BLK: variants seen among roughly 807,000 people sequenced by gnomAD.
The protein encoded by BLK is BLK proto-oncogene, Src family tyrosine kinase.
A neutral mutation model predicts 61.8 loss-of-function variants in BLK; 64 were observed. That is an observed-to-expected ratio of 1.03 (90% CI 0.85 to 1.27). BLK has a LOEUF of 1.27. Ranked by LOEUF, BLK falls within the 50% of genes most tolerant of loss-of-function variation. The pLI is 0.00. For missense variants in BLK, 853 were observed against 660.5 expected (o/e 1.29, Z -3.19); for synonymous variants, 351 against 272.0 (o/e 1.29, Z -2.86).
At chr8:11,563,800 C>A in intron 12 of BLK, 103 bp from the exon 13 acceptor site, 1 of 1,146,426 alleles carries the variant, frequency 8.7e-7, no homozygotes, top group Non-Finnish European at 1.2e-6. Context: ...GTGGGCACTG[C>A]TGTCCCTTGC....
At chr8:11,544,410 A>C (rs985037430) in intron 2 of BLK, among the ~76,000 whole-genome samples, 1 of 152,124 alleles carries the variant, frequency 6.6e-6, no homozygotes, top group Non-Finnish European at 1.5e-5. Context: ...TTATCCTAAC[A>C]GGGACCTGAT....
rs1407540792 is a variant in BLK, at chr8:11,543,335, A to G, written c.111A>G (p.Pro37=). The stretch of plus-strand genomic sequence containing the variant: ...GCGCCCAAGACAAGGACGCCCCGCC[A>G]CTGCCGCCCCTGGTGAGTGATTGCC... ...KVSAQDKDAP[P]LPPLVVFNHL... is the part of the protein sequence containing the mutation. The change falls in exon 2 of 13, where the codon CCA becomes CCG. Residue 37 remains proline, a synonymous_variant. Coordinates refer to ENST00000259089, the MANE Select transcript of BLK (RefSeq NM_001715.3). 6.2e-7 allele frequency: 1 copy of G among 1,613,268 alleles called. No homozygotes were observed. Among genetic ancestry groups the G allele is most frequent in the South Asian group, 1.1e-5 (1 of 91,074 alleles).
intron 4 of BLK, 89 bp from the exon 5 acceptor site, chr8:11,548,935 G>T: frequency 8.5e-7 from 1 of 1,171,118 alleles, no homozygotes; most frequent in Non-Finnish European, 1.3e-6. Context: ...GCCCTCCAGG[G>T]AGAGATGACT....
chr8:11,553,579 G>GTCA lies in BLK; in HGVS notation c.473-1164_473-1163insTCA, dbSNP rs776051438. Reference sequence around the variant, plus strand: ...GCCCGAGGCACCCGACACAAGTGCAGCCTACAAAATGGAGAGAAAAGCCCT... The same window carrying GTCA: ...GCCCGAGGCACCCGACACAAGTGCAGTCACCTACAAAATGGAGAGAAAAGCCCT... On this transcript the variant is annotated intron_variant, in intron 6 of 12. Coordinates refer to ENST00000259089, the MANE Select transcript of BLK (RefSeq NM_001715.3). 856 of 215,076 alleles carry GTCA rather than the reference G, an allele frequency of 4.0e-3. 7 individuals carry two copies. The highest frequency in any genetic ancestry group is 9.2e-3 in the Middle Eastern group (5 of 546). 13.3% of individuals were successfully genotyped at this position (215,076 alleles called of 1,614,324 possible). A position where few individuals can be genotyped will look rare whatever the true frequency, so the allele number is the denominator to read the frequency against.
At chr8:11,543,108 C>T in intron 1 of BLK, 116 bp from the exon 2 acceptor site, 1 of 1,535,868 alleles carries the variant, frequency 6.5e-7, no homozygotes, top group Non-Finnish European at 8.9e-7. Context: ...TTTGCTGCAC[C>T]CACTTCCACC....
At chr8:11,536,980 T>C (rs953204869) in intron 1 of BLK, among the ~76,000 whole-genome samples, 29 of 152,224 alleles carry the variant, frequency 1.9e-4, no homozygotes, top group African/African-American at 7.0e-4. Context: ...CCTTCCGCTA[T>C]GCCTGACATA....
intron 1 of BLK, among the ~76,000 whole-genome samples, chr8:11,499,362 G>T (rs113429586): frequency 6.6e-6 from 1 of 152,216 alleles, no homozygotes; most frequent in Non-Finnish European, 1.5e-5. Flanking sequence ...ACATTTTTCA[G>T]AACAGATCCC....
rs950823502 is a variant in BLK, at chr8:11,549,244, G to A, written c.368+122G>A. 1.3e-5 allele frequency: 11 copies of A among 873,376 alleles called. No homozygotes were observed. The African/African-American group carries it at 1.3e-4, about 11-fold the overall frequency. 54.1% of individuals were successfully genotyped at this position (873,376 alleles called of 1,614,324 possible). A position where few individuals can be genotyped will look rare whatever the true frequency, so the allele number is the denominator to read the frequency against. ...GGGAGCCTGCAGGCACTAGCAAAGA[G>A]GGGACAGGAAATGAGCTCTGCTGGG... On this transcript the variant is annotated intron_variant, in intron 5 of 12. Transcript: ENST00000259089.
rs969678323 is a variant in BLK at position 11,554,740 on chromosome 8, C to T, written c.473-3C>T. On this transcript the variant is annotated splice_polypyrimidine_tract_variant and splice_region_variant and intron_variant, in intron 6 of 12. Coordinates refer to ENST00000259089, the MANE Select transcript of BLK (RefSeq NM_001715.3). The stretch of plus-strand genomic sequence containing the variant: ...CTCGTGTGTGTCTTCATGAACCCTC[C>T]AGGTGCCTTCTCCCTGTCTGTGAAG... 2.5e-6 allele frequency: 4 copies of T among 1,613,252 alleles called. No individual in the cohort carries two copies. Among genetic ancestry groups the T allele is most frequent in the Non-Finnish European group, 3.4e-6 (4 of 1,180,006 alleles).
chr8:11,543,958 A>T (rs1448641440), intron 2 of BLK, among the ~76,000 whole-genome samples: 2 of 141,082 alleles, frequency 1.4e-5, no homozygotes, highest in Admixed American at 8.1e-5. Flanking sequence ...AGCATGTCTG[A>T]AGATGCATTT....
intron 11 of BLK, 46 bp downstream of exon 11, chr8:11,561,498 T>A: frequency 6.2e-7 from 1 of 1,600,400 alleles, no homozygotes; most frequent in Non-Finnish European, 8.5e-7. Flanking sequence ...GCCTTATCTT[T>A]CCCAGCTCCT....
At chr8:11,527,919 C>A (rs148050288) in intron 1 of BLK, among the ~76,000 whole-genome samples, 1 of 152,132 alleles carries the variant, frequency 6.6e-6, no homozygotes. Flanking sequence ...ATTATGCCTA[C>A]ATTTTAGCAG....
intron 1 of BLK, among the ~76,000 whole-genome samples, chr8:11,498,053 C>T (rs1024245065): frequency 6.6e-6 from 1 of 152,202 alleles, no homozygotes; most frequent in African/African-American, 2.4e-5. Flanking sequence ...TTCATCAAAG[C>T]GCTGGTGCTT....
At chr8:11,548,974 C>A in intron 4 of BLK, 50 bp from the exon 5 acceptor site, 1 of 1,503,652 alleles carries the variant, frequency 6.7e-7, no homozygotes. Context: ...TGCCCAGTGA[C>A]GGGCCTACAG....
chr8:11,515,024 G>A (rs11250142), intron 1 of BLK, among the ~76,000 whole-genome samples: 127,956 of 152,064 alleles, frequency 0.84, 54,017 homozygotes, highest in Middle Eastern at 0.9. Context: ...CACATTCCCC[G>A]ACAAGCTGCT....
At chr8:11,506,816 C>T (rs1045576314) in intron 1 of BLK, among the ~76,000 whole-genome samples, 5 of 152,224 alleles carry the variant, frequency 3.3e-5, no homozygotes, top group Admixed American at 3.3e-4. Flanking sequence ...TGCATCCTCC[C>T]ACTCTGGGGC....
At chr8:11,542,493 C>A (rs1800427177) in intron 1 of BLK, among the ~76,000 whole-genome samples, 1 of 152,140 alleles carries the variant, frequency 6.6e-6, no homozygotes, top group African/African-American at 2.4e-5. Flanking sequence ...AGTTGTTTGA[C>A]CCTGAGCAAA....
chr8:11,534,619 A>C (rs767624453), intron 1 of BLK, among the ~76,000 whole-genome samples: 2 of 152,230 alleles, frequency 1.3e-5, no homozygotes, highest in African/African-American at 2.4e-5. Flanking sequence ...AATCTTTTCT[A>C]TCAATTTTAC....
chr8:11,547,974 G>T (rs762522454), intron 3 of BLK, 58 bp from the exon 4 acceptor site: 11 of 1,471,884 alleles, frequency 7.5e-6, no homozygotes, highest in Non-Finnish European at 1.0e-5. Context: ...GCTCACCCCA[G>T]CCCCACCTTC....
Sources: allele counts gnomAD v4.1 joint callset (sites outside exome capture counted in the v4.1 genomes callset), GRCh38; gene constraint gnomAD v4.1.1; transcripts MANE v1.5; gene names NCBI Gene and HGNC (gene_info 2026-07-23, HGNC 2026-07-21).